The following KANK1 variants were observed in gnomAD, a reference collection of about 807,000 sequenced individuals.
The protein encoded by KANK1 is KN motif and ankyrin repeat domains 1, also known as KN motif and ankyrin repeat domain-containing protein 1.
A neutral mutation model predicts 106.2 loss-of-function variants in KANK1; 109 were observed. That is an observed-to-expected ratio of 1.03 (90% CI 0.88 to 1.20). KANK1 has a LOEUF of 1.20. KANK1 is among the 50% of genes most tolerant of loss of function. KANK1 has a pLI of 0.00. For missense variants in KANK1, 2,399 were observed against 1,710.7 expected (o/e 1.40, Z -7.10); for synonymous variants, 873 against 652.2 (o/e 1.34, Z -5.16).
intron 1 of KANK1, among the ~76,000 whole-genome samples, chr9:541,791 G>A (rs759712838): frequency 1.3e-5 from 2 of 151,986 alleles, no homozygotes; most frequent in African/African-American, 4.8e-5. Flanking sequence ...TAAATAACCG[G>A]ATTAAAAAAA....
Position 518,018 on chromosome 9 carries a change from A to G in KANK1, c.-84+13264A>G, listed in dbSNP as rs1345827052. Among the ~76,000 whole-genome samples the G allele has an allele frequency of 5.3e-5, 8 of 151,626 alleles. No individual in the cohort carries two copies. The South Asian group carries it at 8.3e-4, about 16-fold the overall frequency. On this transcript the variant is annotated intron_variant, in intron 1 of 11. Transcript: ENST00000382297. Reference sequence around the variant, plus strand: ...CTTCCAGAGTGCTGGGATTACAGGCATGAGCCACCTTGCCCGGCCAACCTT... The same window carrying G: ...CTTCCAGAGTGCTGGGATTACAGGCGTGAGCCACCTTGCCCGGCCAACCTT...
At chr9:635,075 C>A (rs1291798452) in intron 1 of KANK1, among the ~76,000 whole-genome samples, 1 of 152,146 alleles carries the variant, frequency 6.6e-6, no homozygotes, top group Non-Finnish European at 1.5e-5. Flanking sequence ...AAACCAATCA[C>A]AGGTAAAGGG....
At chr9:624,674 C>T (rs190800510) in intron 1 of KANK1, among the ~76,000 whole-genome samples, 53 of 152,164 alleles carry the variant, frequency 3.5e-4, no homozygotes, top group Admixed American at 2.8e-3. Context: ...GTAGTCATTC[C>T]TGTAGTCCCA....
chr9:477,487 C>T (rs2058125943), intron 3 of KANK1, among the ~76,000 whole-genome samples: 1 of 152,148 alleles, frequency 6.6e-6, no homozygotes, highest in South Asian at 2.1e-4. Flanking sequence ...GAGAAATGAC[C>T]TTTGATGTAA....
At chr9:574,869 A>G (rs1820137828) in intron 1 of KANK1, among the ~76,000 whole-genome samples, 1 of 151,636 alleles carries the variant, frequency 6.6e-6, no homozygotes, top group Non-Finnish European at 1.5e-5. Context: ...AAAAAAAAAA[A>G]AGAAAAAAAA....
chr9:472,634 A>G (rs1195771238), intron 2 of KANK1, among the ~76,000 whole-genome samples: 1 of 152,092 alleles, frequency 6.6e-6, no homozygotes, highest in Non-Finnish European at 1.5e-5. Flanking sequence ...TTTTGCTTTC[A>G]CTCCCTTGGA....
intron 1 of KANK1, among the ~76,000 whole-genome samples, chr9:515,355 A>G (rs1281142542): frequency 2.0e-5 from 3 of 151,516 alleles, no homozygotes; most frequent in Admixed American, 6.6e-5. Context: ...AAAAAAAAAA[A>G]AAAGAAAAAA....
chr9:619,492 C>T (rs118169761), intron 1 of KANK1, among the ~76,000 whole-genome samples: 2,544 of 152,144 alleles, frequency 0.017, 35 homozygotes, highest in Non-Finnish European at 0.029. Context: ...GGAGTATTAA[C>T]GCAAAGAAGA....
chr9:508,674 CT>C lies in KANK1; in HGVS notation c.-84+3923del, dbSNP rs898613954. 4.1e-4 allele frequency among the ~76,000 whole-genome samples: 62 copies of C among 151,494 alleles called. 4 individuals are homozygous for C. Among genetic ancestry groups the C allele is most frequent in the African/African-American group, 1.3e-3 (53 of 40,786 alleles). On this transcript the variant is annotated intron_variant, in intron 1 of 11. Coordinates refer to ENST00000382297, the MANE Select transcript of KANK1 (RefSeq NM_015158.5). ...TATATAGCTTTTAGTATCCTGGTTTCTTTCTCAACATTATATTTGTGAGATT... is the reference window on the plus strand; with the variant it reads ...TATATAGCTTTTAGTATCCTGGTTTCTTCTCAACATTATATTTGTGAGATT...
intron 1 of KANK1, among the ~76,000 whole-genome samples, chr9:649,259 G>A (rs2137487712): frequency 6.6e-6 from 1 of 152,204 alleles, no homozygotes; most frequent in South Asian, 2.1e-4. Flanking sequence ...TTTACAGGTA[G>A]GGAGATTATA....
intron 1 of KANK1, among the ~76,000 whole-genome samples, chr9:614,697 G>C (rs1339803076): frequency 6.6e-6 from 1 of 152,072 alleles, no homozygotes; most frequent in East Asian, 1.9e-4. Flanking sequence ...CCTGGGGTGG[G>C]GCCAGTACTC....
At chr9:668,015 G>C (rs1845052281) in intron 1 of KANK1, among the ~76,000 whole-genome samples, 1 of 152,122 alleles carries the variant, frequency 6.6e-6, no homozygotes, top group African/African-American at 2.4e-5. Context: ...ACAGGCATGA[G>C]CCACCACACC....
intron 1 of KANK1, among the ~76,000 whole-genome samples, chr9:643,543 ATTTTTTTTTT>A (rs774468238): frequency 4.9e-5 from 5 of 102,448 alleles, no homozygotes; most frequent in Non-Finnish European, 7.7e-5. Context: ...TTTCTTTTTG[ATTTTTTTTTT>A]TTTTTTTTTT....
intron 7 of KANK1, among the ~76,000 whole-genome samples, chr9:737,963 G>T (rs978358251): frequency 6.6e-6 from 1 of 152,218 alleles, no homozygotes; most frequent in Non-Finnish European, 1.5e-5. Flanking sequence ...GGAAACGGAA[G>T]CAGAATAACT....
intron 2 of KANK1, among the ~76,000 whole-genome samples, chr9:695,658 G>A (rs1179413140): frequency 6.6e-6 from 1 of 151,836 alleles, no homozygotes; most frequent in African/African-American, 2.4e-5. Context: ...TCCTCTCTGG[G>A]GGGCCAGGGT....
intron 1 of KANK1, among the ~76,000 whole-genome samples, chr9:561,889 A>G (rs1268857343): frequency 6.6e-6 from 1 of 152,258 alleles, no homozygotes; most frequent in Non-Finnish European, 1.5e-5. Flanking sequence ...AAAGCACTGT[A>G]GAAATTGACC....
intron 3 of KANK1, among the ~76,000 whole-genome samples, chr9:725,990 A>G (rs2131526843): frequency 6.6e-6 from 1 of 152,338 alleles, no homozygotes; most frequent in African/African-American, 2.4e-5. Context: ...GAAAAAAGTT[A>G]TAGTAGCCTG....
chr9:484,112 A>G (rs1166925553), intron 3 of KANK1, among the ~76,000 whole-genome samples: 1 of 152,172 alleles, frequency 6.6e-6, no homozygotes, highest in Non-Finnish European at 1.5e-5. Context: ...CTGCTTCTGC[A>G]CTTGTGAGCT....
At chr9:739,628 T>G (rs1834816123) in intron 8 of KANK1, among the ~76,000 whole-genome samples, 1 of 152,166 alleles carries the variant, frequency 6.6e-6, no homozygotes, top group African/African-American at 2.4e-5. Context: ...GTAGATAATA[T>G]CCAGGGAAGC....
Sources: allele counts gnomAD v4.1 joint callset (sites outside exome capture counted in the v4.1 genomes callset), GRCh38; gene constraint gnomAD v4.1.1; transcripts MANE v1.5; gene names NCBI Gene and HGNC (gene_info 2026-07-23, HGNC 2026-07-21).